The following PARM1 variants were observed in gnomAD, a reference collection of about 807,000 sequenced individuals.
PARM1 encodes the protein WSC4, cell wall integrity and stress response component 4 homolog.
PARM1 carries 14 observed loss-of-function variants against 24.6 expected under a neutral mutation model. The ratio of observed to expected loss-of-function variants is 0.57; its 90% CI spans 0.38 to 0.89. The LOEUF (loss-of-function observed/expected upper bound fraction) is 0.89. Ranked by LOEUF, PARM1 falls within the 40% of genes least tolerant of loss-of-function variation. The pLI is 0.00. For missense variants in PARM1, 362 were observed against 380.4 expected (o/e 0.95, Z 0.40); for synonymous variants, 179 against 156.6 (o/e 1.14, Z -1.07).
intron 1 of PARM1, among the ~76,000 whole-genome samples, chr4:74,963,936 G>A (rs1168485401): frequency 2.0e-5 from 3 of 152,116 alleles, no homozygotes; most frequent in Non-Finnish European, 4.4e-5. Flanking sequence ...AGTTATCCTT[G>A]AACTAAGGCA....
intron 1 of PARM1, among the ~76,000 whole-genome samples, chr4:74,997,269 C>T (rs1370326694): frequency 6.6e-6 from 1 of 152,192 alleles, no homozygotes; most frequent in East Asian, 1.9e-4. Flanking sequence ...TGAAGAATGA[C>T]ACACCCATTT....
chr4:74,951,440 A>G (rs1317805623), intron 1 of PARM1, among the ~76,000 whole-genome samples: 1 of 151,766 alleles, frequency 6.6e-6, no homozygotes, highest in African/African-American at 2.4e-5. Context: ...CCCACTTTCT[A>G]TTTTTCTTTT....
intron 2 of PARM1, among the ~76,000 whole-genome samples, chr4:75,029,816 T>A (rs1362104604): frequency 1.3e-5 from 2 of 152,000 alleles, no homozygotes; most frequent in African/African-American, 4.8e-5. Flanking sequence ...AGCAGGTGAT[T>A]CCAAGGTGAA....
chr4:74,947,835 G>A (rs543679890), intron 1 of PARM1, among the ~76,000 whole-genome samples: 3 of 152,292 alleles, frequency 2.0e-5, no homozygotes, highest in East Asian at 1.9e-4. Context: ...TTTAAAATGA[G>A]TCCTCTAGAC....
At chr4:75,028,708 C>G (rs542351337) in intron 2 of PARM1, among the ~76,000 whole-genome samples, 2 of 152,262 alleles carry the variant, frequency 1.3e-5, no homozygotes, top group South Asian at 4.1e-4. Context: ...CTCTTTTTCA[C>G]CTCTGGAAAC....
chr4:74,933,634 C>G (rs375450939), intron 1 of PARM1, among the ~76,000 whole-genome samples: 4 of 152,240 alleles, frequency 2.6e-5, no homozygotes, highest in East Asian at 3.8e-4. Context: ...GCTGTCTTAG[C>G]TGCGTGTTCG....
intron 2 of PARM1, among the ~76,000 whole-genome samples, chr4:75,030,851 A>G (rs973427342): frequency 3.9e-5 from 6 of 151,988 alleles, no homozygotes; most frequent in Admixed American, 3.3e-4. Flanking sequence ...CCCCAGCCAC[A>G]CCTTCCTCAT....
intron 3 of PARM1, among the ~76,000 whole-genome samples, chr4:75,041,076 T>G (rs2109814718): frequency 6.6e-6 from 1 of 152,340 alleles, no homozygotes; most frequent in African/African-American, 2.4e-5. Context: ...TATTATTTAC[T>G]GTGTCTCCCC....
chr4:75,040,298 C>A (rs907561922), intron 3 of PARM1, among the ~76,000 whole-genome samples: 6 of 152,142 alleles, frequency 3.9e-5, no homozygotes, highest in African/African-American at 1.4e-4. Flanking sequence ...TAGACCTTTT[C>A]TGTGATGATT....
chr4:75,006,912 G>T (rs188388885), intron 1 of PARM1, among the ~76,000 whole-genome samples: 14 of 152,272 alleles, frequency 9.2e-5, no homozygotes, highest in Non-Finnish European at 1.6e-4. Context: ...CACAACAAAA[G>T]AAACTACCAT....
At chr4:74,953,072 A>G (rs1238530828) in intron 1 of PARM1, among the ~76,000 whole-genome samples, 1 of 152,194 alleles carries the variant, frequency 6.6e-6, no homozygotes, top group Non-Finnish European at 1.5e-5. Context: ...AATCATATAC[A>G]TCCATTTCTT....
intron 1 of PARM1, among the ~76,000 whole-genome samples, chr4:74,982,242 A>AT (rs1294333828): frequency 1.9e-4 from 29 of 152,296 alleles, no homozygotes; most frequent in African/African-American, 6.5e-4. Flanking sequence ...GGAGCCGAAC[A>AT]ATGTGAACAC....
chr4:74,937,415 A>T (rs1324754692), intron 1 of PARM1, among the ~76,000 whole-genome samples: 1 of 152,332 alleles, frequency 6.6e-6, no homozygotes, highest in South Asian at 2.1e-4. Flanking sequence ...TTGTTATCTG[A>T]TGCATTTACA....
At position 75,049,549 on chromosome 4, in the gene PARM1, A is replaced by G. The variant is rs2109822074; in HGVS notation, c.*3302A>G. The G allele has an allele frequency of 6.6e-6, 1 of 152,580 alleles. No homozygotes were observed. Among genetic ancestry groups the G allele is most frequent in the South Asian group, 2.1e-4 (1 of 4,826 alleles). 9.5% of individuals were successfully genotyped at this position (152,580 alleles called of 1,614,324 possible). On this transcript the variant is annotated 3_prime_UTR_variant, in exon 4 of 4. Coordinates refer to ENST00000307428, the MANE Select transcript of PARM1 (RefSeq NM_015393.4). ...GTTGACCATGCCTGGTGCCACAGCC[A>G]TGGTTTCCATTTCTAGATGAAAGGA...
chr4:75,035,489 C>T (rs1464953430), intron 3 of PARM1, among the ~76,000 whole-genome samples: 1 of 152,134 alleles, frequency 6.6e-6, no homozygotes, highest in Admixed American at 6.6e-5. Context: ...GGCTGTGCCA[C>T]CCTGTCCTTC....
chr4:75,033,490 G>C (rs1723310030), intron 2 of PARM1, among the ~76,000 whole-genome samples: 1 of 152,090 alleles, frequency 6.6e-6, no homozygotes, highest in Non-Finnish European at 1.5e-5. Context: ...ATGAGGCAGA[G>C]CCCATAAAAG....
chr4:75,004,426 G>T (rs911491927), intron 1 of PARM1, among the ~76,000 whole-genome samples: 4 of 152,192 alleles, frequency 2.6e-5, no homozygotes, highest in African/African-American at 9.7e-5. Flanking sequence ...TCAAGTTGCA[G>T]AATATTTCAT....
intron 1 of PARM1, among the ~76,000 whole-genome samples, chr4:74,972,470 A>G (rs1197586651): frequency 6.6e-6 from 1 of 152,236 alleles, no homozygotes; most frequent in African/African-American, 2.4e-5. Context: ...GCACAAATCT[A>G]AGTCAACACG....
chr4:75,040,884 C>T (rs578161551), intron 3 of PARM1, among the ~76,000 whole-genome samples: 5 of 152,172 alleles, frequency 3.3e-5, no homozygotes, highest in African/African-American at 1.2e-4. Flanking sequence ...CTCGGTTATC[C>T]ACATGGCTCA....
Sources: allele counts gnomAD v4.1 joint callset (sites outside exome capture counted in the v4.1 genomes callset), GRCh38; gene constraint gnomAD v4.1.1; transcripts MANE v1.5; gene names NCBI Gene and HGNC (gene_info 2026-07-23, HGNC 2026-07-21).